MAF: variants seen among roughly 807,000 people sequenced by gnomAD.
MAF encodes transcription factor Maf.
Under a neutral mutation model 22.0 loss-of-function variants are expected in MAF, and 10 were observed. The ratio of observed to expected loss-of-function variants is 0.45; its 90% CI spans 0.28 to 0.77. The LOEUF is 0.77. Ranked by LOEUF, MAF falls within the 30% of genes least tolerant of loss-of-function variation. The probability of loss-of-function intolerance (pLI) is 0.12; values close to 1 mark genes in which losing one functional copy is unlikely to be tolerated. For missense variants in MAF, 544 were observed against 548.4 expected (o/e 0.99, Z 0.08); for synonymous variants, 337 against 255.8 (o/e 1.32, Z -3.03).
the MAF span, among the ~76,000 whole-genome samples, chr16:79,243,462 C>A: frequency 6.6e-6 from 1 of 151,876 alleles, no homozygotes; most frequent in Non-Finnish European, 1.5e-5. Context: ...ACTAGAAAAT[C>A]CACAAGAAAT....
At chr16:79,381,212 T>G in the MAF span, among the ~76,000 whole-genome samples, 1 of 152,262 alleles carries the variant, frequency 6.6e-6, no homozygotes, top group Non-Finnish European at 1.5e-5. Context: ...GACTTCCTAT[T>G]AACAGTATCT....
the MAF span, among the ~76,000 whole-genome samples, chr16:79,506,678 C>A: frequency 1.3e-5 from 2 of 152,160 alleles, no homozygotes; most frequent in African/African-American, 2.4e-5. Context: ...GTTGAGGCAA[C>A]ACTCATGCTG....
At chr16:79,584,127 A>C (rs1397478148), downstream of MAF, among the ~76,000 whole-genome samples, 1 of 152,180 alleles carries the variant, frequency 6.6e-6, no homozygotes, top group Admixed American at 6.5e-5. Context: ...AAAGGTAATT[A>C]AATGACTCCC....
chr16:79,387,559 G>C, the MAF span, among the ~76,000 whole-genome samples: 2 of 152,180 alleles, frequency 1.3e-5, no homozygotes, highest in Non-Finnish European at 2.9e-5. Flanking sequence ...ATGGCGACCA[G>C]TGCACTCCAC....
the MAF span, among the ~76,000 whole-genome samples, chr16:79,244,824 A>G: frequency 6.6e-6 from 1 of 152,104 alleles, no homozygotes; most frequent in African/African-American, 2.4e-5. Flanking sequence ...AGTATACTAC[A>G]TGGCTACAGT....
At chr16:79,522,442 A>G in the MAF span, among the ~76,000 whole-genome samples, 12 of 152,224 alleles carry the variant, frequency 7.9e-5, no homozygotes, top group South Asian at 1.2e-3. Context: ...AGTCCTCACC[A>G]CTTGTGTGCA....
At chr16:79,236,100 G>T in the MAF span, among the ~76,000 whole-genome samples, 5 of 152,058 alleles carry the variant, frequency 3.3e-5, no homozygotes, top group Non-Finnish European at 7.4e-5. Flanking sequence ...GTGGGCCTCT[G>T]GAGTGGGCTT....
the MAF span, among the ~76,000 whole-genome samples, chr16:79,208,048 T>C: frequency 6.6e-6 from 1 of 152,196 alleles, no homozygotes; most frequent in Non-Finnish European, 1.5e-5. Flanking sequence ...TAGTTGAAGA[T>C]TGTGCTGCAA....
chr16:79,582,558 G>C (rs1912584955), downstream of MAF, among the ~76,000 whole-genome samples: 1 of 152,194 alleles, frequency 6.6e-6, no homozygotes, highest in Non-Finnish European at 1.5e-5. Context: ...CGGCTCAGTA[G>C]TGGGCCAGTG....
At chr16:79,493,860 C>G in the MAF span, among the ~76,000 whole-genome samples, 1 of 151,876 alleles carries the variant, frequency 6.6e-6, no homozygotes, top group Non-Finnish European at 1.5e-5. Context: ...AGAGCAAAGA[C>G]CTGCCCCTTA....
At chr16:79,372,560 C>T in the MAF span, among the ~76,000 whole-genome samples, 6 of 152,312 alleles carry the variant, frequency 3.9e-5, no homozygotes, top group African/African-American at 1.2e-4. Context: ...CTAGGAGAGA[C>T]GCTGTAATGT....
the MAF span, among the ~76,000 whole-genome samples, chr16:79,389,522 A>C: frequency 1.3e-5 from 2 of 152,140 alleles, no homozygotes; most frequent in African/African-American, 4.8e-5. Context: ...TCTGCCTCCC[A>C]AAGTTTTGGG....
the MAF span, among the ~76,000 whole-genome samples, chr16:79,240,937 G>C: frequency 1.3e-5 from 2 of 152,026 alleles, no homozygotes; most frequent in African/African-American, 4.8e-5. Context: ...AACTCCAGCA[G>C]ACCTGGAGGG....
chr16:79,600,146 G>C lies in MAF; in HGVS notation c.-244C>G. On this transcript the variant is annotated 5_prime_UTR_variant, in exon 1 of 2. Coordinates refer to ENST00000326043, the MANE Select transcript of MAF (RefSeq NM_005360.5). Reference sequence around the variant, plus strand: ...CTCACGCCAATGTGCTCCCTCGCTCGCCCCGGCCCCTCCTTGCTCGCTCGC... The same window carrying C: ...CTCACGCCAATGTGCTCCCTCGCTCCCCCCGGCCCCTCCTTGCTCGCTCGC... 1 of 459,894 alleles carries C rather than the reference G, an allele frequency of 2.2e-6. No individual in the cohort carries two copies. Among genetic ancestry groups the C allele is most frequent in the Middle Eastern group, 5.6e-4 (1 of 1,772 alleles). 28.5% of individuals were successfully genotyped at this position (459,894 alleles called of 1,614,324 possible).
the MAF span, among the ~76,000 whole-genome samples, chr16:79,236,237 T>C: frequency 3.3e-5 from 5 of 152,062 alleles, no homozygotes; most frequent in Admixed American, 3.3e-4. Context: ...TACTTGAACA[T>C]CATGGAGCTC....
chr16:79,519,306 A>G, the MAF span, among the ~76,000 whole-genome samples: 1 of 152,180 alleles, frequency 6.6e-6, no homozygotes, highest in East Asian at 1.9e-4. Flanking sequence ...ATGGGGTATA[A>G]TGCATTCCAG....
At chr16:79,492,541 A>G in the MAF span, among the ~76,000 whole-genome samples, 1 of 152,116 alleles carries the variant, frequency 6.6e-6, no homozygotes, top group African/African-American at 2.4e-5. Context: ...CCCAACAGAA[A>G]TGCATAGATA....
At chr16:79,563,522 T>C in the MAF span, among the ~76,000 whole-genome samples, 1 of 150,836 alleles carries the variant, frequency 6.6e-6, no homozygotes, top group African/African-American at 2.4e-5. Context: ...AAAAAAAAGA[T>C]TTGTGAAATA....
At chr16:79,394,884 T>G in the MAF span, among the ~76,000 whole-genome samples, 58 of 152,110 alleles carry the variant, frequency 3.8e-4, no homozygotes, top group Non-Finnish European at 7.2e-4. Context: ...TACCAGAACA[T>G]CTGCTGTTAG....
Sources: gnomAD v4.1 joint callset for allele counts (sites outside exome capture counted in the v4.1 genomes callset) on GRCh38, gnomAD v4.1.1 for gene constraint, MANE v1.5 for transcripts, NCBI Gene and HGNC (gene_info 2026-07-23, HGNC 2026-07-21) for gene names.